The following SDK1 variants were observed in gnomAD, a reference collection of about 807,000 sequenced individuals.
SDK1 encodes the protein protein sidekick-1.
In SDK1, 157 loss-of-function variants were observed where a neutral mutation model predicts 245.5. That is an observed-to-expected ratio of 0.64 (90% CI 0.56 to 0.73). The LOEUF is 0.73. Ranked by LOEUF, SDK1 falls within the 30% of genes least tolerant of loss-of-function variation. The probability of loss-of-function intolerance (pLI) is 0.00; values close to 1 mark genes in which losing one functional copy is unlikely to be tolerated. For missense variants in SDK1, 3,583 were observed against 3,002.3 expected, an observed-to-expected ratio of 1.19 and a Z score of -4.52; for synonymous variants, 1,647 against 1,278.5, an observed-to-expected ratio of 1.29 and a Z score of -6.15.
chr7:3,411,524 C>G (rs1583818764), intron 1 of SDK1, among the ~76,000 whole-genome samples: 1 of 152,158 alleles, frequency 6.6e-6, no homozygotes, highest in South Asian at 2.1e-4. Context: ...GGTAGCAGCA[C>G]TGTCTGACAT....
intron 1 of SDK1, among the ~76,000 whole-genome samples, chr7:3,406,176 G>C (rs1243351096): frequency 6.6e-6 from 1 of 152,104 alleles, no homozygotes; most frequent in Non-Finnish European, 1.5e-5. Flanking sequence ...CGTGATTTTT[G>C]TTCTCATTTA....
At position 4,007,942 on chromosome 7, in the gene SDK1, T is replaced by C. The variant is rs184760319; in HGVS notation, c.2132-3024T>C. Among the ~76,000 whole-genome samples, 367 of 152,330 alleles carry C rather than the reference T, an allele frequency of 2.4e-3. 1 individual carries two copies. The highest frequency in any genetic ancestry group is 8.5e-3 in the African/African-American group (352 of 41,584). ...ATAAAAAATCCATCATGTTCACCAT[T>C]TGTAAGTGCACGGCTCAGTGGCATT... On this transcript the variant is annotated intron_variant, in intron 14 of 44. Coordinates refer to ENST00000404826, the MANE Select transcript of SDK1 (RefSeq NM_152744.4).
intron 1 of SDK1, among the ~76,000 whole-genome samples, chr7:3,525,352 G>C (rs949490194): frequency 6.6e-6 from 1 of 152,146 alleles, no homozygotes; most frequent in African/African-American, 2.4e-5. Flanking sequence ...AGATGGGGTA[G>C]TTTTCTCACT....
At chr7:4,013,658 T>C (rs569609098) in intron 16 of SDK1, among the ~76,000 whole-genome samples, 1 of 152,388 alleles carries the variant, frequency 6.6e-6, no homozygotes, top group Non-Finnish European at 1.5e-5. Context: ...CCTGGACTAT[T>C]TGCCTGTCAA....
chr7:3,806,650 T>A (rs1010488702), intron 4 of SDK1, among the ~76,000 whole-genome samples: 2 of 152,230 alleles, frequency 1.3e-5, no homozygotes, highest in Non-Finnish European at 2.9e-5. Context: ...TGTGGAGAAA[T>A]GTGACGAGGA....
intron 4 of SDK1, among the ~76,000 whole-genome samples, chr7:3,763,449 A>C (rs978339874): frequency 6.6e-6 from 1 of 152,160 alleles, no homozygotes. Flanking sequence ...TATTTACTTC[A>C]TCGCATCTAT....
chr7:3,372,817 T>G (rs1332636750), intron 1 of SDK1, among the ~76,000 whole-genome samples: 1 of 152,162 alleles, frequency 6.6e-6, no homozygotes, highest in Non-Finnish European at 1.5e-5. Context: ...TGCAAATGTG[T>G]AAAGGTGATG....
intron 35 of SDK1, among the ~76,000 whole-genome samples, chr7:4,198,763 G>C (rs768077577): frequency 2.0e-5 from 3 of 151,698 alleles, no homozygotes; most frequent in Non-Finnish European, 4.4e-5. Context: ...TGAGGCCTCT[G>C]ACTTAACCCC....
At chr7:3,901,096 T>G (rs1781774412) in intron 5 of SDK1, among the ~76,000 whole-genome samples, 1 of 152,222 alleles carries the variant, frequency 6.6e-6, no homozygotes, top group African/African-American at 2.4e-5. Context: ...CTTTGAAAAC[T>G]CCAGACCAGT....
chr7:3,743,694 G>GT (rs1264692552), intron 4 of SDK1, among the ~76,000 whole-genome samples: 7 of 152,174 alleles, frequency 4.6e-5, no homozygotes, highest in Non-Finnish European at 1.5e-5. Flanking sequence ...ATTAGTCGTT[G>GT]TAAGTAGATG....
chr7:3,403,961 C>A lies in SDK1; in HGVS notation c.298+102077C>A, dbSNP rs1778982532. ...TTGCAGGTTAGGGTCCAGACCATTGCAATAAAGTGAATCACACAAATTTTG... is the reference window on the plus strand; with the variant it reads ...TTGCAGGTTAGGGTCCAGACCATTGAAATAAAGTGAATCACACAAATTTTG... On this transcript the variant is annotated intron_variant, in intron 1 of 44. Coordinates refer to ENST00000404826, the MANE Select transcript of SDK1 (RefSeq NM_152744.4). Among the ~76,000 whole-genome samples the A allele has an allele frequency of 4.1e-5, 6 of 147,290 alleles. No individual in the cohort carries two copies. The South Asian group carries it at 1.3e-3, about 32-fold the overall frequency.
intron 1 of SDK1, among the ~76,000 whole-genome samples, chr7:3,416,463 CTT>C (rs5881982): frequency 1.4e-3 from 183 of 132,308 alleles, no homozygotes; most frequent in Admixed American, 1.4e-3. Context: ...GGCTTTCGTT[CTT>C]TTTTTTTTTT....
intron 5 of SDK1, among the ~76,000 whole-genome samples, chr7:3,846,210 A>ACG (rs1022069379): frequency 2.6e-5 from 4 of 152,206 alleles, no homozygotes; most frequent in African/African-American, 9.7e-5. Context: ...ATGTACACAC[A>ACG]CACACAGGCA....
intron 40 of SDK1, among the ~76,000 whole-genome samples, chr7:4,232,323 C>T (rs943932792): frequency 3.4e-5 from 5 of 148,764 alleles, no homozygotes; most frequent in Admixed American, 2.0e-4. Context: ...TCCAGCACCC[C>T]TTTCAGCCCT....
At chr7:3,718,833 G>A (rs76832719) in intron 4 of SDK1, among the ~76,000 whole-genome samples, 1 of 152,040 alleles carries the variant, frequency 6.6e-6, no homozygotes, top group Non-Finnish European at 1.5e-5. Context: ...AGGAATAAAA[G>A]TGTTCTTATT....
At chr7:3,416,279 G>A (rs888419901) in intron 1 of SDK1, among the ~76,000 whole-genome samples, 9 of 152,006 alleles carry the variant, frequency 5.9e-5, no homozygotes, top group East Asian at 1.9e-4. Context: ...AGTTTTTGCC[G>A]TTCAGGGAGG....
chr7:3,961,653 A>C (rs998187909), intron 8 of SDK1, among the ~76,000 whole-genome samples: 2 of 152,140 alleles, frequency 1.3e-5, no homozygotes, highest in African/African-American at 4.8e-5. Flanking sequence ...TTAACCTAAC[A>C]AATTGCTCCT....
intron 1 of SDK1, among the ~76,000 whole-genome samples, chr7:3,428,359 C>T (rs953555756): frequency 2.6e-5 from 4 of 152,130 alleles, no homozygotes; most frequent in African/African-American, 9.7e-5. Flanking sequence ...ATTTATGCAT[C>T]TCAGAACTGT....
chr7:4,252,492 A>G (rs906533411), intron 44 of SDK1, among the ~76,000 whole-genome samples: 5 of 152,206 alleles, frequency 3.3e-5, no homozygotes, highest in East Asian at 1.9e-4. Context: ...AGTCTTTGCT[A>G]TTGTAAATAG....
Sources: gnomAD v4.1 joint callset for allele counts (sites outside exome capture counted in the v4.1 genomes callset) on GRCh38, gnomAD v4.1.1 for gene constraint, MANE v1.5 for transcripts, NCBI Gene and HGNC (gene_info 2026-07-23, HGNC 2026-07-21) for gene names.